GARRE1: variants seen among roughly 807,000 people sequenced by gnomAD.
GARRE1 encodes the protein granule associated Rac and RHOG effector 1, also known as granule associated Rac and RHOG effector protein 1.
GARRE1 carries 49 observed loss-of-function variants against 103.2 expected under a neutral mutation model. The observed-to-expected ratio is 0.47, with a 90% CI of 0.38 to 0.60. The LOEUF is 0.60. Among genes scored for constraint, GARRE1 ranks in the 20% least tolerant of loss-of-function variants. The probability of loss-of-function intolerance (pLI) is 0.00; values close to 1 mark genes in which losing one functional copy is unlikely to be tolerated. For synonymous variants in GARRE1, 505 were observed against 532.8 expected, an observed-to-expected ratio of 0.95 and a Z score of 0.72; for missense variants, 1,199 against 1,370.5, an observed-to-expected ratio of 0.87 and a Z score of 1.98.
intron 2 of GARRE1, among the ~76,000 whole-genome samples, chr19:34,313,902 G>A (rs2074048203): frequency 6.6e-6 from 1 of 152,138 alleles, no homozygotes; most frequent in Non-Finnish European, 1.5e-5. Flanking sequence ...CCAGGTTCAA[G>A]CAATTCTCCT....
At chr19:34,323,252 C>T (rs929897672) in intron 3 of GARRE1, among the ~76,000 whole-genome samples, 5 of 151,526 alleles carry the variant, frequency 3.3e-5, no homozygotes, top group African/African-American at 9.7e-5. Context: ...AGGATGGTCT[C>T]GATCTCCTGA....
In GARRE1 at chr19:34,322,744, C is replaced by A. The variant is rs550915441; in HGVS notation, c.705+2628C>A. 2.6e-5 allele frequency among the ~76,000 whole-genome samples: 4 copies of A among 151,928 alleles called. No homozygotes were observed. In the East Asian group the frequency reaches 7.8e-4, roughly 30 times the overall value. ...CTGGGATTATAGGCACCCGCCACCACGCCCAGCTAATTTTTGTATTTTTAG... is the reference window on the plus strand; with the variant it reads ...CTGGGATTATAGGCACCCGCCACCAAGCCCAGCTAATTTTTGTATTTTTAG... On this transcript the variant is annotated intron_variant, in intron 3 of 13. Coordinates refer to ENST00000299505, the MANE Select transcript of GARRE1 (RefSeq NM_014686.5).
At chr19:34,318,045 T>G (rs745317354) in intron 2 of GARRE1, among the ~76,000 whole-genome samples, 1 of 152,200 alleles carries the variant, frequency 6.6e-6, no homozygotes, top group Non-Finnish European at 1.5e-5. Flanking sequence ...CGGTTGTTGT[T>G]CCCTCTGGAG....
intron 1 of GARRE1, among the ~76,000 whole-genome samples, chr19:34,259,075 G>A (rs1003926255): frequency 3.3e-5 from 5 of 152,242 alleles, no homozygotes; most frequent in East Asian, 3.9e-4. Context: ...GGCTGAGGCC[G>A]GAGGATTGCT....
chr19:34,321,898 C>T (rs1040134595), intron 3 of GARRE1, among the ~76,000 whole-genome samples: 2 of 152,114 alleles, frequency 1.3e-5, no homozygotes, highest in Non-Finnish European at 2.9e-5. Context: ...ATAGAGAGCG[C>T]AGTGGTGTGG....
In GARRE1 at chr19:34,354,002, C is replaced by T. The variant is rs1050628282; in HGVS notation, c.*1047C>T. Reference sequence around the variant, plus strand: ...ATCCTGTGGATTTAGGGATATTTTCCAGCCAGAATGGATCCAGAAGAATTG... The same window carrying T: ...ATCCTGTGGATTTAGGGATATTTTCTAGCCAGAATGGATCCAGAAGAATTG... On this transcript the variant is annotated 3_prime_UTR_variant, in exon 14 of 14. Transcript: ENST00000299505. The T allele has an allele frequency of 5.2e-5, 8 of 152,440 alleles. No homozygotes were observed. The highest frequency in any genetic ancestry group is 1.7e-4 in the African/African-American group (7 of 41,380). The allele number at this position is 152,440 out of a possible 1,614,324, so 9.4% of individuals were successfully genotyped here.
intron 1 of GARRE1, among the ~76,000 whole-genome samples, chr19:34,291,113 G>A (rs555053193): frequency 6.6e-6 from 1 of 151,844 alleles, no homozygotes; most frequent in East Asian, 1.9e-4. Context: ...TCACCATGTT[G>A]GCCAGGCTGG....
chr19:34,321,545 G>A (rs1326121232), intron 3 of GARRE1, among the ~76,000 whole-genome samples: 2 of 150,424 alleles, frequency 1.3e-5, no homozygotes, highest in South Asian at 2.1e-4. Context: ...ACCTCCGCCT[G>A]CCGGGTTCAA....
chr19:34,285,109 GTGTGTGTGTC>G (rs2073878529), intron 1 of GARRE1: 1 of 152,088 alleles, frequency 6.6e-6, no homozygotes, highest in Non-Finnish European at 1.5e-5. Context: ...GTTCGTGTGT[GTGTGTGTGTC>G]TGTGTGTGCA....
chr19:34,306,667 A>G (rs1280029029), intron 2 of GARRE1, among the ~76,000 whole-genome samples: 1 of 152,356 alleles, frequency 6.6e-6, no homozygotes, highest in Non-Finnish European at 1.5e-5. Context: ...CAGCCTAGGA[A>G]GTCAGTTACT....
intron 11 of GARRE1, 149 bp downstream of exon 11, chr19:34,348,191 C>A: frequency 1.5e-6 from 1 of 649,494 alleles, no homozygotes; most frequent in Non-Finnish European, 2.3e-6. Context: ...GGGATGAAAT[C>A]TTTAGGGGTC....
chr19:34,294,644 A>G (rs2073937451), intron 1 of GARRE1, among the ~76,000 whole-genome samples: 1 of 151,408 alleles, frequency 6.6e-6, no homozygotes, highest in Admixed American at 6.6e-5. Flanking sequence ...TTCCCTTTAT[A>G]TGGGCTATAT....
At chr19:34,296,853 A>C (rs1274051573) in intron 1 of GARRE1, among the ~76,000 whole-genome samples, 1 of 152,082 alleles carries the variant, frequency 6.6e-6, no homozygotes, top group Non-Finnish European at 1.5e-5. Context: ...AGTGTTGCCC[A>C]GGCTGCTCTT....
At chr19:34,352,219 C>T (rs150707400) in intron 13 of GARRE1, among the ~76,000 whole-genome samples, 1 of 151,954 alleles carries the variant, frequency 6.6e-6, no homozygotes, top group African/African-American at 2.4e-5. Context: ...CTGGCTAACA[C>T]GGTGAAATCC....
chr19:34,255,760 A>T (rs2145946352), intron 1 of GARRE1, among the ~76,000 whole-genome samples: 1 of 151,766 alleles, frequency 6.6e-6, no homozygotes, highest in South Asian at 2.1e-4. Flanking sequence ...TTCGCCTTCC[A>T]AAGTGTTGGG....
intron 1 of GARRE1, among the ~76,000 whole-genome samples, chr19:34,280,095 G>A (rs375960829): frequency 3.5e-4 from 53 of 152,256 alleles, no homozygotes; most frequent in Admixed American, 2.8e-3. Flanking sequence ...AAGGCAAAGC[G>A]GAGCAGGCAT....
intron 13 of GARRE1, among the ~76,000 whole-genome samples, chr19:34,352,373 G>A (rs543207414): frequency 9.9e-5 from 15 of 150,918 alleles, no homozygotes; most frequent in African/African-American, 3.7e-4. Context: ...CTGCACTCCA[G>A]CCTGGGCGAG....
chr19:34,344,311 C>A (rs1256934698), intron 10 of GARRE1, among the ~76,000 whole-genome samples: 1 of 152,208 alleles, frequency 6.6e-6, no homozygotes, highest in East Asian at 1.9e-4. Context: ...ACACTCCAGG[C>A]CGGGCGCTGT....
chr19:34,351,662 A>T (rs1568314614), intron 13 of GARRE1, 70 bp downstream of exon 13: 3 of 1,024,846 alleles, frequency 2.9e-6, no homozygotes, highest in African/African-American at 1.6e-5. Flanking sequence ...GAGGGCCTCA[A>T]AGTAATGAGG....
Sources: allele counts gnomAD v4.1 joint callset (sites outside exome capture counted in the v4.1 genomes callset), GRCh38; gene constraint gnomAD v4.1.1; transcripts MANE v1.5; gene names NCBI Gene and HGNC (gene_info 2026-07-23, HGNC 2026-07-21).